The following HECW1 variants were observed in gnomAD, a reference collection of about 807,000 sequenced individuals.
HECW1 encodes E3 ubiquitin-protein ligase HECW1.
HECW1 carries 61 observed loss-of-function variants against 182.3 expected under a neutral mutation model. That is an observed-to-expected ratio of 0.33 (90% CI 0.27 to 0.41). The LOEUF (loss-of-function observed/expected upper bound fraction) is 0.41. Ranked by LOEUF, HECW1 falls within the 10% of genes least tolerant of loss-of-function variation. HECW1 has a pLI of 1.00. For synonymous variants in HECW1, 859 were observed against 832.6 expected, an observed-to-expected ratio of 1.03 and a Z score of -0.55; for missense variants, 1,739 against 2,108.9, an observed-to-expected ratio of 0.82 and a Z score of 3.44.
chr7:43,539,556 C>A (rs1377366850), intron 24 of HECW1, among the ~76,000 whole-genome samples: 2 of 152,190 alleles, frequency 1.3e-5, no homozygotes, highest in African/African-American at 2.4e-5. Context: ...TAGCACTAAG[C>A]TGAAAATAGT....
chr7:43,299,781 C>A (rs1806500783), intron 3 of HECW1, among the ~76,000 whole-genome samples: 1 of 152,216 alleles, frequency 6.6e-6, no homozygotes, highest in Admixed American at 6.5e-5. Flanking sequence ...ACACTCCCAG[C>A]CCACATCACA....
At chr7:43,288,311 G>A (rs1410416143) in intron 3 of HECW1, among the ~76,000 whole-genome samples, 4 of 152,088 alleles carry the variant, frequency 2.6e-5, no homozygotes, top group Admixed American at 2.6e-4. Flanking sequence ...GTCAAAATCC[G>A]GGAGCAGGGA....
intron 3 of HECW1, among the ~76,000 whole-genome samples, chr7:43,257,479 C>T (rs888765902): frequency 6.6e-6 from 1 of 151,994 alleles, no homozygotes; most frequent in Non-Finnish European, 1.5e-5. Flanking sequence ...GATTAGGGCC[C>T]GAAGCAAGAG....
chr7:43,293,654 T>A (rs1805685931), intron 3 of HECW1, among the ~76,000 whole-genome samples: 1 of 152,212 alleles, frequency 6.6e-6, no homozygotes, highest in African/African-American at 2.4e-5. Context: ...CAGCATCACA[T>A]GCCTAAAGGA....
At chr7:43,163,664 T>G (rs1790790651) in intron 2 of HECW1, among the ~76,000 whole-genome samples, 1 of 152,014 alleles carries the variant, frequency 6.6e-6, no homozygotes, top group Non-Finnish European at 1.5e-5. Context: ...TGGGAAAGAG[T>G]TGCCCCAGGT....
intron 3 of HECW1, among the ~76,000 whole-genome samples, chr7:43,270,250 T>G (rs1802247392): frequency 1.3e-5 from 2 of 152,196 alleles, no homozygotes; most frequent in South Asian, 4.1e-4. Flanking sequence ...AGGTTTAGAC[T>G]TCGGATCTCT....
At chr7:43,351,668 T>C (rs986412816) in intron 5 of HECW1, among the ~76,000 whole-genome samples, 2 of 150,788 alleles carry the variant, frequency 1.3e-5, no homozygotes, top group African/African-American at 4.9e-5. Context: ...AGCTGTTTTT[T>C]TTCTTTCTTC....
At chr7:43,403,137 AG>A (rs2075483523) in intron 7 of HECW1, among the ~76,000 whole-genome samples, 1 of 152,226 alleles carries the variant, frequency 6.6e-6, no homozygotes, top group Admixed American at 6.5e-5. Flanking sequence ...TTCTTGGCTG[AG>A]GACCCCCTGT....
intron 8 of HECW1, among the ~76,000 whole-genome samples, chr7:43,417,101 A>C (rs2076035880): frequency 1.3e-5 from 2 of 152,114 alleles, no homozygotes; most frequent in South Asian, 4.1e-4. Flanking sequence ...CCCAGGCTGG[A>C]GTGCAATGGC....
chr7:43,499,487 G>A, intron 19 of HECW1, among the ~76,000 whole-genome samples: 2 of 149,228 alleles, frequency 1.3e-5, no homozygotes, highest in Admixed American at 6.7e-5. Context: ...AAGAAAGAAA[G>A]AAAGAAAGAA....
chr7:43,450,865 C>A lies in HECW1; in HGVS notation c.2436C>A (p.Ser812Arg). Residue 812 changes from serine (S) to arginine (R), a missense_variant, in exon 12 of 30, where the codon AGC becomes AGA. Physicochemically the swap from Ser to Arg is moderately radical, Grantham distance 110. Transcript: ENST00000395891. ...TACTCCATAATTCCCAGCCAGTAAG[C>A]CAGCTTCCTTCCCTGAGGCCTGAAC... ...CPILHNSQPV[S>R]QLPSLRPEHH... 1 of 1,613,244 alleles carries A rather than the reference C, an allele frequency of 6.2e-7. No homozygotes were observed. The highest frequency in any genetic ancestry group is 8.5e-7 in the Non-Finnish European group (1 of 1,179,228).
chr7:43,361,011 C>T (rs1815811572), intron 6 of HECW1, 31 bp downstream of exon 6: 2 of 1,473,004 alleles, frequency 1.4e-6, no homozygotes, highest in East Asian at 4.5e-5. Flanking sequence ...TTTGGTTAGA[C>T]CTAACTCTGG....
intron 8 of HECW1, among the ~76,000 whole-genome samples, chr7:43,422,371 T>G (rs555968730): frequency 6.8e-5 from 7 of 102,928 alleles, no homozygotes; most frequent in Non-Finnish European, 1.1e-4. Context: ...TGTTGTTGTT[T>G]TTTTTTTTTT....
At chr7:43,383,577 C>T (rs967022859) in intron 6 of HECW1, among the ~76,000 whole-genome samples, 21 of 152,120 alleles carry the variant, frequency 1.4e-4, no homozygotes, top group African/African-American at 4.8e-4. Context: ...CACATAAATA[C>T]CTTCTTTTGA....
chr7:43,187,956 C>T (rs10486738), intron 2 of HECW1, among the ~76,000 whole-genome samples: 36,685 of 152,110 alleles, frequency 0.24, 4,628 homozygotes, highest in Middle Eastern at 0.27. Flanking sequence ...CTGAATGTCC[C>T]ATCAGTGGAC....
chr7:43,300,470 G>T (rs1806596766), intron 3 of HECW1, among the ~76,000 whole-genome samples: 1 of 152,144 alleles, frequency 6.6e-6, no homozygotes, highest in Admixed American at 6.5e-5. Context: ...GGTGGAAGAG[G>T]GATAGAAGAG....
chr7:43,154,605 A>G (rs938347101), intron 2 of HECW1, among the ~76,000 whole-genome samples: 1 of 152,168 alleles, frequency 6.6e-6, no homozygotes, highest in African/African-American at 2.4e-5. Flanking sequence ...AATAGTGTAT[A>G]TTAGGAAACA....
intron 19 of HECW1, among the ~76,000 whole-genome samples, chr7:43,493,721 A>C (rs1410949085): frequency 2.6e-5 from 4 of 152,206 alleles, no homozygotes; most frequent in Admixed American, 2.6e-4. Context: ...CTGAACTTAA[A>C]TCCTGCTTTC....
rs1296477294 is a variant in HECW1, at chr7:43,415,096, G to A, written c.801+7365G>A. Among the ~76,000 whole-genome samples, 17 of 150,468 alleles carry A rather than the reference G, an allele frequency of 1.1e-4. 2 individuals are homozygous for A. The highest frequency in any genetic ancestry group is 9.9e-4 in the Admixed American group (15 of 15,130). On this transcript the variant is annotated intron_variant, in intron 8 of 29. Coordinates refer to ENST00000395891, the MANE Select transcript of HECW1 (RefSeq NM_015052.5). ...ATGATGTTAGCTGGTTATTTTGCTC[G>A]TTAGTTGATGCAGTTTCTTCCTAGT...
Sources: allele counts gnomAD v4.1 joint callset (sites outside exome capture counted in the v4.1 genomes callset), GRCh38; gene constraint gnomAD v4.1.1; transcripts MANE v1.5; gene names NCBI Gene and HGNC (gene_info 2026-07-23, HGNC 2026-07-21).